Variants in RPA1 observed in about 807,000 individuals in gnomAD.
RPA1 encodes replication protein A 70 kDa DNA-binding subunit.
RPA1 carries 49 observed loss-of-function variants against 83.0 expected under a neutral mutation model. The observed-to-expected ratio is 0.59, with a 90% CI of 0.47 to 0.75. The LOEUF (loss-of-function observed/expected upper bound fraction) is 0.75, where lower values mean the gene tolerates loss of function less well. Ranked by LOEUF, RPA1 falls within the 30% of genes least tolerant of loss-of-function variation. The pLI is 0.00. For synonymous variants in RPA1, 279 were observed against 281.8 expected (o/e 0.99, Z 0.10); for missense variants, 693 against 776.1 (o/e 0.89, Z 1.27).
intron 2 of RPA1, among the ~76,000 whole-genome samples, 157 bp from the exon 3 acceptor site, chr17:1,843,763 C>T (rs1912149055): frequency 6.6e-6 from 1 of 151,904 alleles, no homozygotes; most frequent in Admixed American, 6.6e-5. Context: ...GGAAAATCAT[C>T]AAATCCAGTT....
At chr17:1,843,569 A>T (rs917416640) in intron 2 of RPA1, among the ~76,000 whole-genome samples, 4 of 150,824 alleles carry the variant, frequency 2.7e-5, no homozygotes, top group Admixed American at 6.6e-5. Context: ...CATGTTTCCT[A>T]CACAGCACCT....
At chr17:1,860,932 G>A (rs1912934106) in intron 5 of RPA1, among the ~76,000 whole-genome samples, 1 of 152,182 alleles carries the variant, frequency 6.6e-6, no homozygotes. Flanking sequence ...TCAGAGAGCT[G>A]CATTTAGTCT....
At position 1,844,550 on chromosome 17, in the gene RPA1, A is replaced by T. The variant is rs112259767; in HGVS notation, c.164-28A>T. The T allele has an allele frequency of 2.5e-3, 4,022 of 1,586,030 alleles. 18 individuals are homozygous for T. The highest frequency in any genetic ancestry group is 9.0e-3 in the Middle Eastern group (54 of 6,030). Reference sequence around the variant, plus strand: ...GAGGCTTAAGACTGCAGGATTTTGGAGGCTAAAGAAATCTCTGTGGTTTTC... The same window carrying T: ...GAGGCTTAAGACTGCAGGATTTTGGTGGCTAAAGAAATCTCTGTGGTTTTC... On this transcript the variant is annotated intron_variant, in intron 3 of 16. Transcript: ENST00000254719.
chr17:1,869,337 G>A (rs1445842829), intron 5 of RPA1, among the ~76,000 whole-genome samples: 9 of 152,156 alleles, frequency 5.9e-5, no homozygotes, highest in African/African-American at 2.2e-4. Flanking sequence ...AGGAGTTTGA[G>A]ACCAGCCTGG....
At chr17:1,865,500 A>G (rs1192580129) in intron 5 of RPA1, among the ~76,000 whole-genome samples, 5 of 152,264 alleles carry the variant, frequency 3.3e-5, no homozygotes, top group Admixed American at 6.5e-5. Flanking sequence ...TTTAATAAAC[A>G]TTAATCTTGA....
At chr17:1,838,476 G>A (rs1911908858) in intron 1 of RPA1, among the ~76,000 whole-genome samples, 1 of 151,262 alleles carries the variant, frequency 6.6e-6, no homozygotes. Context: ...GGTGGCGCAT[G>A]CCTGTAACCT....
At chr17:1,883,237 A>C (rs1597454606) in intron 12 of RPA1, among the ~76,000 whole-genome samples, 1 of 151,878 alleles carries the variant, frequency 6.6e-6, no homozygotes, top group African/African-American at 2.4e-5. Flanking sequence ...GCTCACTGCA[A>C]CCTCCGCCTC....
chr17:1,838,603 CAAA>C (rs60835355), intron 1 of RPA1, among the ~76,000 whole-genome samples: 13 of 110,780 alleles, frequency 1.2e-4, no homozygotes, highest in South Asian at 2.8e-4. Context: ...AACTCAGTCT[CAAA>C]AAAAAAAAAA....
chr17:1,885,010 T>G (rs1315859931), intron 13 of RPA1, among the ~76,000 whole-genome samples: 1 of 152,188 alleles, frequency 6.6e-6, no homozygotes, highest in Admixed American at 6.5e-5. Flanking sequence ...TGTGCCACAT[T>G]GGTTGACTCT....
intron 13 of RPA1, 26 bp downstream of exon 13, chr17:1,883,970 A>G: frequency 5.0e-6 from 8 of 1,612,890 alleles, no homozygotes; most frequent in Middle Eastern, 1.9e-4. Context: ...AACCACCTTC[A>G]CAAAGGGCTG....
chr17:1,876,359 A>C (rs934190217), intron 7 of RPA1, among the ~76,000 whole-genome samples: 1 of 152,216 alleles, frequency 6.6e-6, no homozygotes, highest in African/African-American at 2.4e-5. Flanking sequence ...GTTTGAGACC[A>C]GCCTGGCCAA....
intron 5 of RPA1, among the ~76,000 whole-genome samples, chr17:1,854,873 A>T (rs1168860050): frequency 6.6e-6 from 1 of 152,182 alleles, no homozygotes; most frequent in Non-Finnish European, 1.5e-5. Context: ...TTCACTATAG[A>T]AGGAAAACAA....
chr17:1,830,852 G>A (rs1911533230), intron 1 of RPA1, among the ~76,000 whole-genome samples: 1 of 151,498 alleles, frequency 6.6e-6, no homozygotes, highest in East Asian at 1.9e-4. Flanking sequence ...TGCAACCTCC[G>A]TCTCCCGGGT....
chr17:1,854,207 C>T (rs1210327072), intron 5 of RPA1: 1 of 152,028 alleles, frequency 6.6e-6, no homozygotes, highest in Non-Finnish European at 1.5e-5. Context: ...AAATCACTGG[C>T]CCCATTAAAG....
intron 5 of RPA1, among the ~76,000 whole-genome samples, chr17:1,868,036 A>C (rs1288384706): frequency 6.6e-6 from 1 of 152,082 alleles, no homozygotes; most frequent in African/African-American, 2.4e-5. Context: ...GTGAGCTATG[A>C]TCATGCCGCT....
In RPA1 at chr17:1,883,288, C is replaced by T. The variant is rs534276119; in HGVS notation, c.1242-524C>T. On this transcript the variant is annotated intron_variant, in intron 12 of 16. Transcript: ENST00000254719. The stretch of plus-strand genomic sequence containing the variant: ...AAGTGATTCTCCTGCCTCAGCCTCC[C>T]GAGTAGCTGGGATTACAGGCACCCA... Among the ~76,000 whole-genome samples, 49 of 152,226 alleles carry T rather than the reference C, an allele frequency of 3.2e-4. 2 individuals are homozygous for T. The South Asian group carries it at 0.01, about 32-fold the overall frequency.
intron 4 of RPA1, among the ~76,000 whole-genome samples, chr17:1,849,432 A>G (rs1398162593): frequency 1.3e-5 from 2 of 151,302 alleles, no homozygotes; most frequent in South Asian, 2.1e-4. Flanking sequence ...AGCTGGGACT[A>G]CAGGTGCCCA....
At chr17:1,871,632 T>G (rs1348656770) in intron 5 of RPA1, among the ~76,000 whole-genome samples, 2 of 152,226 alleles carry the variant, frequency 1.3e-5, no homozygotes, top group African/African-American at 4.8e-5. Context: ...AATCTGTTAT[T>G]TCACAAAATG....
At chr17:1,876,604 TTC>T (rs1913582773) in intron 7 of RPA1, among the ~76,000 whole-genome samples, 3 of 152,138 alleles carry the variant, frequency 2.0e-5, no homozygotes, top group Admixed American at 2.0e-4. Context: ...AAAATTAGAG[TTC>T]TTTTTTCAGA....
Sources: allele counts gnomAD v4.1 joint callset (sites outside exome capture counted in the v4.1 genomes callset), GRCh38; gene constraint gnomAD v4.1.1; transcripts MANE v1.5; gene names NCBI Gene and HGNC (gene_info 2026-07-23, HGNC 2026-07-21).